Variants in CCSER1 observed in about 807,000 individuals in gnomAD.
The protein encoded by CCSER1 is serine-rich coiled-coil domain-containing protein 1.
CCSER1 carries 41 observed loss-of-function variants against 82.0 expected under a neutral mutation model. That is an observed-to-expected ratio of 0.50 (90% CI 0.39 to 0.65). CCSER1 has a LOEUF of 0.65. Among genes scored for constraint, CCSER1 ranks in the 30% least tolerant of loss-of-function variants. CCSER1 has a pLI of 0.00. For missense variants in CCSER1, 1,119 were observed against 1,064.2 expected (o/e 1.05, Z -0.72); for synonymous variants, 414 against 383.9 (o/e 1.08, Z -0.92).
intron 10 of CCSER1, among the ~76,000 whole-genome samples, chr4:91,362,805 TA>T (rs1279235269): frequency 6.6e-6 from 1 of 151,790 alleles, no homozygotes; most frequent in Admixed American, 6.6e-5. Context: ...CTACTAGTAA[TA>T]AAAGCTCATC....
chr4:90,509,690 A>ATT (rs1034470830), intron 5 of CCSER1, among the ~76,000 whole-genome samples: 1 of 151,836 alleles, frequency 6.6e-6, no homozygotes, highest in Non-Finnish European at 1.5e-5. Context: ...TTATTTCCTG[A>ATT]TTTTTTCCCC....
chr4:91,583,181 A>T (rs1454426816), intron 10 of CCSER1, among the ~76,000 whole-genome samples: 2 of 151,276 alleles, frequency 1.3e-5, no homozygotes, highest in Non-Finnish European at 3.0e-5. Flanking sequence ...ACAATCTCTG[A>T]TTATATTTAT....
chr4:91,000,431 T>G (rs1285337630), intron 9 of CCSER1, among the ~76,000 whole-genome samples: 1 of 152,078 alleles, frequency 6.6e-6, no homozygotes, highest in East Asian at 1.9e-4. Flanking sequence ...CCATATGAAT[T>G]TTAGTATAAT....
At chr4:90,831,400 A>T (rs770771217) in intron 8 of CCSER1, among the ~76,000 whole-genome samples, 1 of 152,178 alleles carries the variant, frequency 6.6e-6, no homozygotes, top group Non-Finnish European at 1.5e-5. Flanking sequence ...GTATCATTAT[A>T]TAATTTCTAT....
rs773213991 is a variant in CCSER1, at chr4:91,579,270, ATGTT to A, written c.2218-19297_2218-19294del. 3.0e-4 allele frequency among the ~76,000 whole-genome samples: 45 copies of A among 151,296 alleles called. 1 individual carries two copies. The highest frequency in any genetic ancestry group is 8.3e-4 in the South Asian group (4 of 4,814). On this transcript the variant is annotated intron_variant, in intron 10 of 10. Transcript: ENST00000509176. Reference sequence around the variant, plus strand: ...TTTCACATTCAGGGGGTACATGTGCATGTTTGTTGTATGGACCAATTCCATAATG... The same window carrying A: ...TTTCACATTCAGGGGGTACATGTGCATGTTGTATGGACCAATTCCATAATG...
chr4:91,267,952 C>T (rs902449480), intron 10 of CCSER1, among the ~76,000 whole-genome samples: 2 of 152,142 alleles, frequency 1.3e-5, no homozygotes, highest in African/African-American at 4.8e-5. Flanking sequence ...GTGTTTCTTA[C>T]TGAAGTACTA....
intron 7 of CCSER1, among the ~76,000 whole-genome samples, chr4:90,810,832 CTTTTTTT>C: frequency 8.8e-6 from 1 of 113,606 alleles, no homozygotes; most frequent in Non-Finnish European, 1.7e-5. Context: ...AAGAGTAATT[CTTTTTTT>C]TTTTTTTTTT....
At chr4:90,158,551 G>A (rs1294948096) in intron 1 of CCSER1, among the ~76,000 whole-genome samples, 1 of 152,228 alleles carries the variant, frequency 6.6e-6, no homozygotes, top group African/African-American at 2.4e-5. Flanking sequence ...CTTCCTGGCT[G>A]CTTTGTTTAC....
chr4:90,161,623 G>T (rs1729461465), intron 1 of CCSER1, among the ~76,000 whole-genome samples: 1 of 151,888 alleles, frequency 6.6e-6, no homozygotes, highest in Non-Finnish European at 1.5e-5. Flanking sequence ...AATTGAATTA[G>T]ATAGTATATA....
chr4:90,476,362 A>T (rs948633664), intron 5 of CCSER1, among the ~76,000 whole-genome samples: 4 of 151,916 alleles, frequency 2.6e-5, no homozygotes, highest in Non-Finnish European at 2.9e-5. Flanking sequence ...CACATAACGC[A>T]CAACCCATGG....
intron 1 of CCSER1, among the ~76,000 whole-genome samples, chr4:90,153,234 G>T (rs567481505): frequency 6.6e-6 from 1 of 151,946 alleles, no homozygotes; most frequent in African/African-American, 2.4e-5. Context: ...TTTTGTGGCT[G>T]CATAGTATTC....
chr4:90,915,629 A>G (rs1163352305), intron 8 of CCSER1, among the ~76,000 whole-genome samples: 1 of 151,842 alleles, frequency 6.6e-6, no homozygotes, highest in African/African-American at 2.4e-5. Flanking sequence ...CTCTCTCACC[A>G]CTCCTATTCA....
chr4:90,771,339 C>A (rs968046176), intron 7 of CCSER1, among the ~76,000 whole-genome samples: 2 of 151,440 alleles, frequency 1.3e-5, no homozygotes, highest in African/African-American at 2.4e-5. Context: ...CGATAATTAT[C>A]TTTTTTTAGA....
chr4:90,438,054 A>T (rs565502561), intron 4 of CCSER1, among the ~76,000 whole-genome samples: 3 of 152,226 alleles, frequency 2.0e-5, no homozygotes, highest in African/African-American at 7.2e-5. Flanking sequence ...TATTTTTCTG[A>T]TAAAGTTATT....
intron 10 of CCSER1, among the ~76,000 whole-genome samples, chr4:91,261,941 C>T (rs1237229160): frequency 6.6e-6 from 1 of 152,008 alleles, no homozygotes; most frequent in African/African-American, 2.4e-5. Flanking sequence ...CTGAATATAA[C>T]TGTGCATGGT....
intron 9 of CCSER1, among the ~76,000 whole-genome samples, chr4:91,008,711 T>C (rs1738733539): frequency 6.6e-6 from 1 of 152,200 alleles, no homozygotes. Flanking sequence ...AAAGTAATTA[T>C]TGATATGTAA....
chr4:90,576,756 A>ATTC (rs1157736319), intron 5 of CCSER1, among the ~76,000 whole-genome samples: 2 of 152,194 alleles, frequency 1.3e-5, no homozygotes, highest in Non-Finnish European at 2.9e-5. Context: ...CAGTTGATTT[A>ATTC]TCAATTCACC....
rs192877741 is a variant in CCSER1 at position 91,515,401 on chromosome 4, C to T, written c.2218-83171C>T. Among the ~76,000 whole-genome samples the T allele has an allele frequency of 3.9e-5, 6 of 152,062 alleles. No homozygotes were observed. The South Asian group carries it at 1.2e-3, about 31-fold the overall frequency. On this transcript the variant is annotated intron_variant, in intron 10 of 10. Transcript: ENST00000509176. ...AGATCCCAGTGTCTGTCATTTCCTT[C>T]TAAGTGTCCATGTGTTCTTGTTATT...
chr4:91,582,321 G>T (rs1188694198), intron 10 of CCSER1, among the ~76,000 whole-genome samples: 2 of 151,478 alleles, frequency 1.3e-5, no homozygotes, highest in Non-Finnish European at 3.0e-5. Flanking sequence ...TTAAGATTCT[G>T]TGAGTCCAGA....
Sources: gnomAD v4.1 joint callset for allele counts (sites outside exome capture counted in the v4.1 genomes callset) on GRCh38, gnomAD v4.1.1 for gene constraint, MANE v1.5 for transcripts, NCBI Gene and HGNC (gene_info 2026-07-23, HGNC 2026-07-21) for gene names.